Variants in CRACD observed in about 807,000 individuals in gnomAD.
CRACD encodes capping protein-inhibiting regulator of actin dynamics.
CRACD carries 56 observed loss-of-function variants against 106.8 expected under a neutral mutation model. The observed-to-expected ratio is 0.52, with a 90% CI of 0.42 to 0.66. The LOEUF is 0.66. Among genes scored for constraint, CRACD ranks in the 30% least tolerant of loss-of-function variants. The pLI is 0.00. For missense variants in CRACD, 1,730 were observed against 1,623.2 expected (o/e 1.07, Z -1.13); for synonymous variants, 754 against 670.8 (o/e 1.12, Z -1.92).
intron 2 of CRACD, among the ~76,000 whole-genome samples, chr4:56,237,081 A>G (rs1411735924): frequency 1.3e-5 from 2 of 152,182 alleles, no homozygotes; most frequent in Non-Finnish European, 2.9e-5. Context: ...CCTAAGATGT[A>G]TGAACATCTT....
At chr4:56,059,208 T>C (rs1056181257) in intron 1 of CRACD, among the ~76,000 whole-genome samples, 41 of 152,220 alleles carry the variant, frequency 2.7e-4, no homozygotes, top group Non-Finnish European at 3.7e-4. Flanking sequence ...GAGGCTGAGG[T>C]GGGTGGATCA....
intron 1 of CRACD, among the ~76,000 whole-genome samples, chr4:56,140,912 C>T (rs928495353): frequency 6.6e-6 from 1 of 152,204 alleles, no homozygotes; most frequent in African/African-American, 2.4e-5. Context: ...TGTTTCCAGG[C>T]TGCTGGGTTC....
At chr4:56,129,562 C>T (rs1358348661) in intron 1 of CRACD, among the ~76,000 whole-genome samples, 3 of 152,172 alleles carry the variant, frequency 2.0e-5, no homozygotes, top group Non-Finnish European at 4.4e-5. Context: ...ATGTGCTGCA[C>T]CGTGGGGCTG....
At chr4:56,184,343 T>G (rs1736993975) in intron 2 of CRACD, among the ~76,000 whole-genome samples, 1 of 152,230 alleles carries the variant, frequency 6.6e-6, no homozygotes, top group Non-Finnish European at 1.5e-5. Context: ...AGTGCTGGGT[T>G]TATAGGCGTG....
At chr4:56,067,982 G>A (rs78939143) in intron 1 of CRACD, among the ~76,000 whole-genome samples, 1,853 of 152,290 alleles carry the variant, frequency 0.012, 36 homozygotes, top group African/African-American at 0.042. Flanking sequence ...TTAGATCCTG[G>A]AGATGTCCTT....
chr4:56,131,727 C>T (rs1425387730), intron 1 of CRACD, among the ~76,000 whole-genome samples: 1 of 152,014 alleles, frequency 6.6e-6, no homozygotes. Flanking sequence ...ATCATAAATG[C>T]AGAAACATAA....
At chr4:56,238,112 A>G (rs1384365911) in intron 2 of CRACD, among the ~76,000 whole-genome samples, 2 of 152,144 alleles carry the variant, frequency 1.3e-5, no homozygotes, top group African/African-American at 4.8e-5. Context: ...TAAAACAACA[A>G]CCACATTTAA....
intron 1 of CRACD, among the ~76,000 whole-genome samples, chr4:56,072,127 CAAA>C (rs531354263): frequency 6.6e-5 from 6 of 91,478 alleles, no homozygotes; most frequent in Admixed American, 1.3e-4. Context: ...GACTCCGTCT[CAAA>C]AAAAAAAAAA....
At chr4:56,118,544 T>C (rs1734376682) in intron 1 of CRACD, among the ~76,000 whole-genome samples, 1 of 152,178 alleles carries the variant, frequency 6.6e-6, no homozygotes, top group Admixed American at 6.5e-5. Context: ...TTCATTGCAA[T>C]GGATGATTAG....
intron 1 of CRACD, among the ~76,000 whole-genome samples, chr4:56,141,682 A>ATTTTTTT (rs1171920777): frequency 1.7e-4 from 14 of 82,680 alleles, no homozygotes; most frequent in Non-Finnish European, 2.2e-4. Context: ...AGGAAGTACT[A>ATTTTTTT]TTTTTTTTTT....
chr4:56,265,405 T>G (rs1243944744), intron 2 of CRACD, among the ~76,000 whole-genome samples: 1 of 9,302 alleles, frequency 1.1e-4, no homozygotes, highest in Non-Finnish European at 2.0e-4. Flanking sequence ...AGAGGAGGGG[T>G]GTGTGTGTGT....
At chr4:56,139,670 T>C (rs1735126329) in intron 1 of CRACD, among the ~76,000 whole-genome samples, 1 of 152,214 alleles carries the variant, frequency 6.6e-6, no homozygotes, top group Non-Finnish European at 1.5e-5. Context: ...AGAGAAATGC[T>C]TCCATATGCT....
At chr4:56,078,663 G>A (rs565484381) in intron 1 of CRACD, among the ~76,000 whole-genome samples, 3 of 152,218 alleles carry the variant, frequency 2.0e-5, no homozygotes, top group Non-Finnish European at 2.9e-5. Context: ...CAGTCCTTCC[G>A]CCTTGGTCTC....
chr4:56,152,064 C>T (rs149399666), intron 1 of CRACD, among the ~76,000 whole-genome samples: 4,534 of 148,616 alleles, frequency 0.031, 222 homozygotes, highest in African/African-American at 0.11. Context: ...GGCTGGAGTG[C>T]GGTGGTGCGG....
intron 1 of CRACD, among the ~76,000 whole-genome samples, chr4:56,063,066 AGAAAG>A (rs112714276): frequency 0.32 from 48,453 of 151,838 alleles, 8,745 homozygotes; most frequent in African/African-American, 0.5. Flanking sequence ...CAAGGAAGGA[AGAAAG>A]GAAAGGAAGG....
At chr4:56,126,890 T>G (rs1734677348) in intron 1 of CRACD, among the ~76,000 whole-genome samples, 1 of 152,216 alleles carries the variant, frequency 6.6e-6, no homozygotes, top group South Asian at 2.1e-4. Context: ...TTGGGTTTGT[T>G]TTTTGTTACT....
rs553437217 is a variant in CRACD at position 56,211,693 on chromosome 4, C to T, written c.-189+32263C>T. ...TTTATGGGCTCACAATTGGGGAGCG[C>T]GTGCTGATTGGTTTGTGAGTATGCA... On this transcript the variant is annotated intron_variant, in intron 2 of 10. Coordinates refer to ENST00000682029, the MANE Select transcript of CRACD (RefSeq NM_001393381.1). Among the ~76,000 whole-genome samples, 103 of 152,140 alleles carry T rather than the reference C, an allele frequency of 6.8e-4. 1 individual carries two copies. The South Asian group carries it at 0.011, about 16-fold the overall frequency.
At chr4:56,157,497 G>A (rs2109898699) in intron 1 of CRACD, among the ~76,000 whole-genome samples, 1 of 152,222 alleles carries the variant, frequency 6.6e-6, no homozygotes, top group East Asian at 1.9e-4. Flanking sequence ...AGATTGACTG[G>A]AGGAAATGTC....
At chr4:56,216,434 A>G (rs1366404918) in intron 2 of CRACD, among the ~76,000 whole-genome samples, 1 of 152,178 alleles carries the variant, frequency 6.6e-6, no homozygotes, top group East Asian at 1.9e-4. Context: ...TATTTAAGAC[A>G]ATGATGTGTA....
Sources: gnomAD v4.1 joint callset for allele counts (sites outside exome capture counted in the v4.1 genomes callset) on GRCh38, gnomAD v4.1.1 for gene constraint, MANE v1.5 for transcripts, NCBI Gene and HGNC (gene_info 2026-07-23, HGNC 2026-07-21) for gene names.